The following IBTK variants were observed in gnomAD, a reference collection of about 807,000 sequenced individuals.
IBTK encodes inhibitor of Bruton tyrosine kinase.
A neutral mutation model predicts 154.9 loss-of-function variants in IBTK; 83 were observed. The ratio of observed to expected loss-of-function variants is 0.54; its 90% CI spans 0.45 to 0.64. The LOEUF is 0.64. IBTK is among the 30% of genes least tolerant of loss of function. The pLI is 0.00. For missense variants in IBTK, 1,332 were observed against 1,584.6 expected, an observed-to-expected ratio of 0.84 and a Z score of 2.71; for synonymous variants, 515 against 536.1, an observed-to-expected ratio of 0.96 and a Z score of 0.54.
intron 11 of IBTK, among the ~76,000 whole-genome samples, chr6:82,215,530 T>C (rs1370618412): frequency 6.6e-6 from 1 of 152,088 alleles, no homozygotes; most frequent in African/African-American, 2.4e-5. Context: ...CTCATGCCTG[T>C]AATCCTAGCA....
At chr6:82,192,389 A>G (rs1273236415) in intron 23 of IBTK, among the ~76,000 whole-genome samples, 2 of 152,288 alleles carry the variant, frequency 1.3e-5, no homozygotes, top group African/African-American at 2.4e-5. Flanking sequence ...GGGATACTAA[A>G]TAATATTGGA....
At chr6:82,222,752 G>A (rs1186385524) in intron 8 of IBTK, among the ~76,000 whole-genome samples, 1 of 151,806 alleles carries the variant, frequency 6.6e-6, no homozygotes, top group Non-Finnish European at 1.5e-5. Flanking sequence ...ATTCCAGTTG[G>A]TGCACCCACC....
intron 23 of IBTK, among the ~76,000 whole-genome samples, chr6:82,193,600 A>G (rs1350060876): frequency 1.3e-5 from 2 of 152,228 alleles, no homozygotes; most frequent in African/African-American, 4.8e-5. Context: ...CAACCATTGT[A>G]GGCATATAAA....
chr6:82,242,666 G>T (rs1008821472), intron 1 of IBTK, among the ~76,000 whole-genome samples: 10 of 152,128 alleles, frequency 6.6e-5, no homozygotes, highest in Admixed American at 3.3e-4. Flanking sequence ...GTGTTTGGGG[G>T]CCGAGCACGG....
At chr6:82,212,055 T>G (rs977542322) in intron 13 of IBTK, among the ~76,000 whole-genome samples, 1 of 151,962 alleles carries the variant, frequency 6.6e-6, no homozygotes, top group Non-Finnish European at 1.5e-5. Context: ...AGTGCAATGG[T>G]GCAATCTTGT....
chr6:82,200,373 T>C (rs1769157207), intron 20 of IBTK, 120 bp from the exon 21 acceptor site: 2 of 781,588 alleles, frequency 2.6e-6, no homozygotes, highest in Admixed American at 5.3e-5. Context: ...ACTTTCAATG[T>C]GTTAGACCTA....
intron 8 of IBTK, among the ~76,000 whole-genome samples, chr6:82,221,297 C>A (rs536337233): frequency 2.2e-4 from 34 of 152,214 alleles, no homozygotes; most frequent in Admixed American, 9.8e-4. Context: ...GCACTCCAGC[C>A]TGGGTGATAG....
rs560475886 is a variant in IBTK at position 82,207,296 on chromosome 6, G to A, written c.2510-2338C>T. Among the ~76,000 whole-genome samples, 5 of 151,780 alleles carry A rather than the reference G, an allele frequency of 3.3e-5. No homozygotes were observed. In the East Asian group the frequency reaches 9.6e-4, roughly 29 times the overall value. On this transcript the variant is annotated intron_variant, in intron 16 of 28. Coordinates refer to ENST00000306270, the MANE Select transcript of IBTK (RefSeq NM_015525.4). ...AATTGTAATTCTAAACACTAGCAAA[G>A]GACAATCCAAAAATAAAATTAAAAA...
chr6:82,174,679 T>C (rs1378930868), intron 26 of IBTK, among the ~76,000 whole-genome samples: 2 of 152,020 alleles, frequency 1.3e-5, no homozygotes, highest in Non-Finnish European at 2.9e-5. Flanking sequence ...GGCAAACAAA[T>C]TTACTAAAAG....
rs199728280 is a variant in IBTK at position 82,240,194 on chromosome 6, T to C, written c.293A>G (p.His98Arg). 2 of 1,613,922 alleles carry C rather than the reference T, an allele frequency of 1.2e-6. No homozygotes were observed. Among genetic ancestry groups the C allele is most frequent in the East Asian group, 2.2e-5 (1 of 44,882 alleles). The change falls in exon 2 of 29, where the codon CAT becomes CGT. Residue 98 changes from histidine (H) to arginine (R), a missense_variant. Physicochemically the swap from His to Arg is conservative, Grantham distance 29. This residue lies in a region of IBTK where 114 missense variants were observed against 213.7 expected (regional missense o/e 0.53). Coordinates refer to ENST00000306270, the MANE Select transcript of IBTK (RefSeq NM_015525.4). ...CAATAGAGACCAAACACAATCAATA[T>C]GTCCATAAAAAATGCTTCTGTGCAA... Reference protein sequence around the residue: ...TALHRSIFYGHIDCVWSLLKH... With the variant: ...TALHRSIFYGRIDCVWSLLKH...
At chr6:82,238,379 C>T (rs1272881249) in intron 2 of IBTK, among the ~76,000 whole-genome samples, 1 of 152,038 alleles carries the variant, frequency 6.6e-6, no homozygotes, top group East Asian at 1.9e-4. Flanking sequence ...TTATTATTTG[C>T]CTATTCAATA....
At chr6:82,234,591 C>A (rs1403429527) in intron 2 of IBTK, among the ~76,000 whole-genome samples, 1 of 152,028 alleles carries the variant, frequency 6.6e-6, no homozygotes, top group Non-Finnish European at 1.5e-5. Context: ...CCTGCTTTGG[C>A]CTCCCAAAGT....
chr6:82,223,819 A>T (rs1203067464), intron 7 of IBTK, among the ~76,000 whole-genome samples, 199 bp from the exon 8 acceptor site: 1 of 152,046 alleles, frequency 6.6e-6, no homozygotes, highest in African/African-American at 2.4e-5. Flanking sequence ...GCATGGTGGT[A>T]GGGGCCTCTG....
chr6:82,242,096 G>T (rs930998540), intron 1 of IBTK, among the ~76,000 whole-genome samples: 1 of 152,168 alleles, frequency 6.6e-6, no homozygotes, highest in African/African-American at 2.4e-5. Flanking sequence ...ATGGCCAGGC[G>T]CAGTGGCTCA....
intron 1 of IBTK, among the ~76,000 whole-genome samples, chr6:82,243,029 CAGG>C (rs1771011986): frequency 6.6e-6 from 1 of 152,080 alleles, no homozygotes; most frequent in African/African-American, 2.4e-5. Context: ...ATCACGAGGT[CAGG>C]AGATCAAGAC....
chr6:82,185,981 T>C (rs1223064578), intron 25 of IBTK, among the ~76,000 whole-genome samples: 1 of 152,206 alleles, frequency 6.6e-6, no homozygotes, highest in East Asian at 1.9e-4. Context: ...TGTGTCTCTG[T>C]GTCATATTTT....
At chr6:82,172,549 C>T (rs1184485492) in intron 27 of IBTK, 37 bp from the exon 28 acceptor site, 4 of 1,573,590 alleles carry the variant, frequency 2.5e-6, no homozygotes, top group Non-Finnish European at 3.4e-6. Context: ...ATTCATCTTC[C>T]TAAATTTTTG....
chr6:82,226,595 T>G (rs1770306179), intron 5 of IBTK, among the ~76,000 whole-genome samples: 1 of 137,200 alleles, frequency 7.3e-6, no homozygotes, highest in African/African-American at 2.6e-5. Context: ...TTAGTGTGCC[T>G]TCTTTTTTGT....
chr6:82,237,465 G>C (rs1770760107), intron 2 of IBTK, among the ~76,000 whole-genome samples: 2 of 151,940 alleles, frequency 1.3e-5, no homozygotes, highest in South Asian at 4.1e-4. Context: ...AAAAAGGAAA[G>C]TGCTATTATT....
Sources: allele counts gnomAD v4.1 joint callset (sites outside exome capture counted in the v4.1 genomes callset), GRCh38; gene constraint gnomAD v4.1.1; regional missense constraint gnomAD v4.1.1; transcripts MANE v1.5; gene names NCBI Gene and HGNC (gene_info 2026-07-23, HGNC 2026-07-21).